The following PTPN9 variants were observed in gnomAD, a reference collection of about 807,000 sequenced individuals.
PTPN9 encodes tyrosine-protein phosphatase non-receptor type 9.
Under a neutral mutation model 69.8 loss-of-function variants are expected in PTPN9, and 26 were observed. That is an observed-to-expected ratio of 0.37 (90% CI 0.27 to 0.52). PTPN9 has a LOEUF of 0.52. PTPN9 is among the 20% of genes least tolerant of loss of function. PTPN9 has a pLI of 0.91. For missense variants in PTPN9, 549 were observed against 740.3 expected, an observed-to-expected ratio of 0.74 and a Z score of 3.00; for synonymous variants, 274 against 272.5, an observed-to-expected ratio of 1.01 and a Z score of -0.05.
intron 1 of PTPN9, among the ~76,000 whole-genome samples, chr15:75,560,905 G>C (rs1210019945): frequency 1.3e-5 from 2 of 151,938 alleles, no homozygotes; most frequent in African/African-American, 2.4e-5. Context: ...TGTAATCCCA[G>C]CTACTCAGGA....
intron 7 of PTPN9, among the ~76,000 whole-genome samples, chr15:75,504,511 TG>T (rs1217708368): frequency 2.4e-4 from 15 of 62,674 alleles, no homozygotes; most frequent in East Asian, 1.0e-3. Flanking sequence ...GGGAGGGAGG[TG>T]GGGGGGGTCA....
At chr15:75,497,207 C>T (rs1203019283) in intron 7 of PTPN9, among the ~76,000 whole-genome samples, 1 of 152,068 alleles carries the variant, frequency 6.6e-6, no homozygotes, top group Admixed American at 6.6e-5. Flanking sequence ...ATTAAAAAGA[C>T]AGCTGGGCAC....
At chr15:75,562,553 C>T (rs890701283) in intron 1 of PTPN9, among the ~76,000 whole-genome samples, 7 of 152,144 alleles carry the variant, frequency 4.6e-5, no homozygotes, top group Non-Finnish European at 2.9e-5. Context: ...CATCCTAGGC[C>T]GGGCGCGGTG....
chr15:75,537,698 T>C (rs1438756461), intron 1 of PTPN9, among the ~76,000 whole-genome samples: 3 of 131,216 alleles, frequency 2.3e-5, no homozygotes, highest in African/African-American at 5.8e-5. Context: ...GAGGTTGCAG[T>C]GAGCCGAGAT....
intron 1 of PTPN9, among the ~76,000 whole-genome samples, chr15:75,563,766 C>A (rs1014777790): frequency 2.0e-5 from 3 of 152,152 alleles, no homozygotes; most frequent in African/African-American, 7.2e-5. Flanking sequence ...GACAGGTACT[C>A]TATAGTTTAA....
rs1349007812 is a variant in PTPN9, at chr15:75,578,754, C to G, written c.23G>C (p.Arg8Pro). Residue 8 changes from arginine to proline, a missense_variant, in exon 1 of 13, where the codon CGG becomes CCG. Transcript: ENST00000618819. Reference sequence around the variant, plus strand: ...GGTCAGCTCCGGCGCCATGTCGGGCCGGGGCGCGGTCGCGGGCTCCATCCC... The same window carrying G: ...GGTCAGCTCCGGCGCCATGTCGGGCGGGGGCGCGGTCGCGGGCTCCATCCC... MEPATAP[R>P]PDMAPELTPE... The G allele has an allele frequency of 6.2e-6, 8 of 1,297,428 alleles. No individual in the cohort carries two copies. In the East Asian group the frequency reaches 2.6e-4, roughly 42 times the overall value. 80.4% of individuals were successfully genotyped at this position (1,297,428 alleles called of 1,614,324 possible).
chr15:75,538,029 A>G (rs530042054), intron 1 of PTPN9, among the ~76,000 whole-genome samples: 44 of 152,122 alleles, frequency 2.9e-4, no homozygotes, highest in African/African-American at 1.1e-3. Context: ...ACTGTACTCC[A>G]GCCTGGGAGA....
intron 1 of PTPN9, among the ~76,000 whole-genome samples, chr15:75,577,881 G>C (rs1039886513): frequency 1.3e-5 from 2 of 152,194 alleles, no homozygotes; most frequent in Non-Finnish European, 2.9e-5. Flanking sequence ...AGGGTTCCCA[G>C]TCTAAGCTAG....
chr15:75,488,841 A>G (rs966580063), intron 8 of PTPN9, among the ~76,000 whole-genome samples: 35 of 151,546 alleles, frequency 2.3e-4, no homozygotes, highest in Admixed American at 4.6e-4. Flanking sequence ...TGAATGAATC[A>G]TATTATAGGG....
intron 2 of PTPN9, 123 bp from the exon 3 acceptor site, chr15:75,524,421 A>G (rs2074918595): frequency 5.6e-6 from 3 of 535,686 alleles, no homozygotes; most frequent in Non-Finnish European, 1.0e-5. Context: ...TATAAATTTC[A>G]TAACTAAATA....
intron 1 of PTPN9, among the ~76,000 whole-genome samples, chr15:75,542,017 C>T (rs2075010724): frequency 6.6e-6 from 1 of 151,140 alleles, no homozygotes; most frequent in African/African-American, 2.4e-5. Context: ...AGCCTGGTGA[C>T]AGAGCAAGAT....
chr15:75,571,625 G>C (rs762856580), intron 1 of PTPN9, among the ~76,000 whole-genome samples: 5 of 152,024 alleles, frequency 3.3e-5, no homozygotes, highest in Non-Finnish European at 7.4e-5. Flanking sequence ...ATAAATTGGT[G>C]GTGGCTCACG....
chr15:75,578,134 G>A (rs2075182299), intron 1 of PTPN9, among the ~76,000 whole-genome samples: 1 of 152,170 alleles, frequency 6.6e-6, no homozygotes, highest in Admixed American at 6.5e-5. Flanking sequence ...GCTGAATAGG[G>A]GGGTCAAGGC....
intron 1 of PTPN9, among the ~76,000 whole-genome samples, chr15:75,531,325 T>G (rs2074963209): frequency 1.3e-5 from 2 of 152,070 alleles, no homozygotes; most frequent in Non-Finnish European, 2.9e-5. Flanking sequence ...GAAGAAAAGC[T>G]TTCAGAAGAT....
intron 2 of PTPN9, 73 bp downstream of exon 2, chr15:75,527,045 G>A (rs1365722705): frequency 6.4e-7 from 1 of 1,557,772 alleles, no homozygotes; most frequent in African/African-American, 1.4e-5. Context: ...CAATGTGTGT[G>A]TCGAGCATGA....
intron 1 of PTPN9, among the ~76,000 whole-genome samples, chr15:75,546,642 C>CAA (rs879283506): frequency 7.9e-6 from 1 of 126,648 alleles, no homozygotes; most frequent in Non-Finnish European, 1.7e-5. Context: ...GACTCTGTCT[C>CAA]AAAAAAAAAA....
chr15:75,481,120 G>GC (rs1216986772), intron 8 of PTPN9, among the ~76,000 whole-genome samples: 2 of 58,872 alleles, frequency 3.4e-5, no homozygotes, highest in Non-Finnish European at 6.4e-5. Flanking sequence ...CCTCTGCCCC[G>GC]CCGCCCCATC....
At chr15:75,492,667 T>C (rs2074717349) in intron 7 of PTPN9, among the ~76,000 whole-genome samples, 1 of 152,180 alleles carries the variant, frequency 6.6e-6, no homozygotes, top group Non-Finnish European at 1.5e-5. Context: ...AAAAAGCTAG[T>C]TGTCTGATCA....
Position 75,463,788 on chromosome 15 carries a change from G to A in PTPN9, c.*4981C>T, listed in dbSNP as rs1300091890. 1.3e-5 allele frequency: 2 copies of A among 152,176 alleles called. No individual in the cohort carries two copies. The highest frequency in any genetic ancestry group is 2.9e-5 in the Non-Finnish European group (2 of 68,042). The allele number at this position is 152,176 out of a possible 1,614,324, so 9.4% of individuals were successfully genotyped here. ...TCTAGAACACTTGATATTCACAAGT[G>A]TTGTGTAAAGGTAACTATAGGGCGG... On this transcript the variant is annotated 3_prime_UTR_variant, in exon 13 of 13. Transcript: ENST00000618819.
Sources: allele counts gnomAD v4.1 joint callset (sites outside exome capture counted in the v4.1 genomes callset), GRCh38; gene constraint gnomAD v4.1.1; transcripts MANE v1.5; gene names NCBI Gene and HGNC (gene_info 2026-07-23, HGNC 2026-07-21).